Variants in BTRC observed in about 807,000 individuals in gnomAD.
BTRC encodes the protein F-box/WD repeat-containing protein 1A.
In BTRC, 42 loss-of-function variants were observed where a neutral mutation model predicts 85.5. The observed-to-expected ratio is 0.49, with a 90% confidence interval of 0.38 to 0.64. The LOEUF is 0.64. Ranked by LOEUF, BTRC falls within the 30% of genes least tolerant of loss-of-function variation. The pLI, the probability that BTRC is intolerant of heterozygous loss-of-function variation, is 0.00. For synonymous variants in BTRC, 255 were observed against 263.3 expected, an observed-to-expected ratio of 0.97 and a Z score of 0.30; for missense variants, 594 against 743.5, an observed-to-expected ratio of 0.80 and a Z score of 2.34.
At position 101,442,710 on chromosome 10, in the gene BTRC, C is replaced by A. The variant is rs537470193; in HGVS notation, c.156+12258C>A. ...TGACATAAACGTAAAAAGGAATTAA[C>A]GTTTTTGAAATGTCTTAGCATCATA... On this transcript the variant is annotated intron_variant, in intron 2 of 14. Transcript: ENST00000370187. Among the ~76,000 whole-genome samples, 3 of 152,058 alleles carry A rather than the reference C, an allele frequency of 2.0e-5. No homozygotes were observed. The South Asian group carries it at 6.2e-4, about 32-fold the overall frequency.
Position 101,556,786 on chromosome 10 carries a change from C to T in BTRC, c.*3663C>T, listed in dbSNP as rs2062728925. ...GCTCCTTCTGTTGGAAGTTGAGTACCTGTGATCTAAAATGTCCTGGAGGCA... is the reference window on the plus strand; with the variant it reads ...GCTCCTTCTGTTGGAAGTTGAGTACTTGTGATCTAAAATGTCCTGGAGGCA... On this transcript the variant is annotated 3_prime_UTR_variant, in exon 15 of 15. Coordinates refer to ENST00000370187, the MANE Select transcript of BTRC (RefSeq NM_033637.4). 6.6e-6 allele frequency: 1 copy of T among 152,202 alleles called. No individual in the cohort carries two copies. The highest frequency in any genetic ancestry group is 1.5e-5 in the Non-Finnish European group (1 of 68,036). 9.4% of individuals were successfully genotyped at this position (152,202 alleles called of 1,614,324 possible). A position where few individuals can be genotyped will look rare whatever the true frequency, so the allele number is the denominator to read the frequency against.
intron 1 of BTRC, among the ~76,000 whole-genome samples, chr10:101,363,976 T>C (rs917613642): frequency 6.6e-6 from 1 of 152,112 alleles, no homozygotes; most frequent in Non-Finnish European, 1.5e-5. Flanking sequence ...CTCTTGAAAT[T>C]GTGGGTTTGC....
intron 4 of BTRC, among the ~76,000 whole-genome samples, chr10:101,513,520 G>C (rs1459720273): frequency 6.6e-6 from 1 of 152,110 alleles, no homozygotes. Context: ...AGTTTCATAC[G>C]AGTAGAATCA....
In BTRC at chr10:101,532,388, G is replaced by A; in HGVS notation, c.934G>A (p.Asp312Asn). The A allele has an allele frequency of 6.2e-7, 1 of 1,613,544 alleles. No individual in the cohort carries two copies. The highest frequency in any genetic ancestry group is 1.3e-5 in the African/African-American group (1 of 75,046). The change falls in exon 8 of 15, where the codon GAT (aspartate) becomes AAT (asparagine). Residue 312 changes from aspartate to asparagine, a missense_variant. Asp to Asn is a conservative substitution (Grantham distance 23). Around this residue, in one of 4 missense-constraint regions of BTRC, gnomAD observed 373 missense variants for 503.6 expected, o/e 0.74. Transcript: ENST00000370187. Reference protein sequence around the residue: ...TSKGVYCLQYDDQKIVSGLRD... With the variant: ...TSKGVYCLQYNDQKIVSGLRD... The stretch of plus-strand genomic sequence containing the variant: ...CAAAGGAGTTTACTGTTTACAGTAT[G>A]ATGATCAGAAAATAGTAAGCGGCCT...
intron 4 of BTRC, among the ~76,000 whole-genome samples, chr10:101,495,192 C>T (rs1361755232): frequency 6.6e-6 from 1 of 152,030 alleles, no homozygotes; most frequent in African/African-American, 2.4e-5. Flanking sequence ...TAAATGAGAC[C>T]AGAAAGATTT....
chr10:101,526,091 G>A lies in BTRC; in HGVS notation c.635G>A (p.Cys212Tyr). The A allele has an allele frequency of 2.5e-6, 4 of 1,614,162 alleles. No homozygotes were observed. The highest frequency in any genetic ancestry group is 3.4e-6 in the Non-Finnish European group (4 of 1,180,028). Residue 212 changes from cysteine (C) to tyrosine (Y), a missense_variant, in exon 6 of 15, where the codon TGC becomes TAC. Physicochemically the swap from Cys to Tyr is radical, Grantham distance 194. This residue lies in a region of BTRC where 373 missense variants were observed against 503.6 expected (regional missense o/e 0.74). Transcript: ENST00000370187. ...TCACTATGTGCTGCTGAACTTGTGTGCAAGGAATGGTACCGAGTGACCTCT... is the reference window on the plus strand; with the variant it reads ...TCACTATGTGCTGCTGAACTTGTGTACAAGGAATGGTACCGAGTGACCTCT... ...AKSLCAAELVCKEWYRVTSDG... is the reference protein window; with the variant it reads ...AKSLCAAELVYKEWYRVTSDG...
intron 1 of BTRC, among the ~76,000 whole-genome samples, chr10:101,367,655 G>A (rs1465948069): frequency 2.0e-5 from 3 of 152,080 alleles, no homozygotes; most frequent in Non-Finnish European, 2.9e-5. Context: ...CTGTAGATTA[G>A]TTTTACTGTT....
At chr10:101,397,088 G>A (rs1229239772) in intron 1 of BTRC, among the ~76,000 whole-genome samples, 1 of 152,196 alleles carries the variant, frequency 6.6e-6, no homozygotes, top group Non-Finnish European at 1.5e-5. Flanking sequence ...ACAGGCATGA[G>A]CCACTGCGCC....
At chr10:101,464,490 G>A (rs1945316860) in intron 3 of BTRC, among the ~76,000 whole-genome samples, 2 of 151,862 alleles carry the variant, frequency 1.3e-5, no homozygotes, top group Admixed American at 6.6e-5. Flanking sequence ...GTTTTAGCAG[G>A]TTCTCTTCCC....
At chr10:101,428,943 G>C (rs1018143804) in intron 1 of BTRC, among the ~76,000 whole-genome samples, 1 of 152,118 alleles carries the variant, frequency 6.6e-6, no homozygotes, top group African/African-American at 2.4e-5. Flanking sequence ...TTGGACCACA[G>C]GCACAAACCT....
rs185376729 is a variant in BTRC, at chr10:101,477,017, C to G, written c.235-2351C>G. Among the ~76,000 whole-genome samples the G allele has an allele frequency of 4.1e-3, 625 of 152,228 alleles. 3 individuals carry two copies. The highest frequency in any genetic ancestry group is 9.7e-3 in the Admixed American group (148 of 15,294). ...TTTGAGACAGAGTCTTGCTCTGTCA[C>G]CCACGCTGGAGTGCCGTGGCACGAT... On this transcript the variant is annotated intron_variant, in intron 3 of 14. Transcript: ENST00000370187.
At chr10:101,430,542 T>G in intron 2 of BTRC, 90 bp downstream of exon 2, 1 of 988,062 alleles carries the variant, frequency 1.0e-6, no homozygotes, top group Non-Finnish European at 1.6e-6. Flanking sequence ...CATACTTTAC[T>G]TATATTCATC....
chr10:101,532,780 G>A lies in BTRC; in HGVS notation c.979-172G>A, dbSNP rs956681438. Among the ~76,000 whole-genome samples the A allele has an allele frequency of 2.4e-4, 17 of 70,192 alleles. No homozygotes were observed. The South Asian group carries it at 9.8e-3, about 40-fold the overall frequency. 46.0% of individuals were successfully genotyped at this position (70,192 alleles called of 152,430 possible). On this transcript the variant is annotated intron_variant, in intron 8 of 14. Transcript: ENST00000370187. ...TGTGTGTGTGTGTGTGTGTGTGTGT[G>A]TGTGTGTGTGCGCGTGTGCGCGCGC...
rs1943911102 is a variant in BTRC at position 101,415,492 on chromosome 10, TTATGTTATGTTATG to T, written c.49-14851_49-14838del. Among the ~76,000 whole-genome samples, 743 of 111,164 alleles carry T rather than the reference TTATGTTATGTTATG, an allele frequency of 6.7e-3. 217 individuals carry two copies. The highest frequency in any genetic ancestry group is 0.024 in the African/African-American group (515 of 21,454). The allele number at this position is 111,164 out of a possible 152,430, so 72.9% of individuals were successfully genotyped here. ...TTATTTTATTTTATTTTATTTTATG[TTATGTTATGTTATG>T]TTATGTTATGTTATGTTATGTTATG... On this transcript the variant is annotated intron_variant, in intron 1 of 14. Coordinates refer to ENST00000370187, the MANE Select transcript of BTRC (RefSeq NM_033637.4).
At chr10:101,508,938 T>TAAAAAAAAAAAAAAAAA (rs1554890315) in intron 4 of BTRC, among the ~76,000 whole-genome samples, 33 of 106,498 alleles carry the variant, frequency 3.1e-4, no homozygotes, top group Non-Finnish European at 4.8e-4. Flanking sequence ...AAAAAAAAAC[T>TAAAAAAAAAAAAAAAAA]AAAAGTAGAA....
chr10:101,467,120 A>G (rs896719699), intron 3 of BTRC, among the ~76,000 whole-genome samples: 3 of 152,050 alleles, frequency 2.0e-5, no homozygotes, highest in African/African-American at 4.8e-5. Flanking sequence ...TTGGAGGACA[A>G]TTTATTTTCA....
chr10:101,551,204 T>C (rs927301601), intron 14 of BTRC: 3 of 200,414 alleles, frequency 1.5e-5, no homozygotes, highest in African/African-American at 6.9e-5. Context: ...AACTAAGTAC[T>C]GTAATGACCC....
rs1165863054 is a variant in BTRC at position 101,554,733 on chromosome 10, C to T, written c.*1610C>T. ...CAAGGGTCAGGCAAACCCAGTCACT[C>T]GGAAGGCAGCTGTGTGAGCTGCCAA... On this transcript the variant is annotated 3_prime_UTR_variant, in exon 15 of 15. Transcript: ENST00000370187. The T allele has an allele frequency of 6.6e-6, 1 of 152,620 alleles. No homozygotes were observed. The highest frequency in any genetic ancestry group is 1.5e-5 in the Non-Finnish European group (1 of 68,058). 9.5% of individuals were successfully genotyped at this position (152,620 alleles called of 1,614,324 possible).
chr10:101,480,920 T>A (rs1945816415), intron 4 of BTRC, among the ~76,000 whole-genome samples: 1 of 152,186 alleles, frequency 6.6e-6, no homozygotes, highest in Admixed American at 6.5e-5. Context: ...TTTTGTTTTG[T>A]TTTATTTTAT....
Sources: gnomAD v4.1 joint callset for allele counts (sites outside exome capture counted in the v4.1 genomes callset) on GRCh38, gnomAD v4.1.1 for gene constraint, gnomAD v4.1.1 regional missense constraint, MANE v1.5 for transcripts, NCBI Gene and HGNC (gene_info 2026-07-23, HGNC 2026-07-21) for gene names.